ARHGEF28: variants seen among roughly 807,000 people sequenced by gnomAD.
ARHGEF28 encodes the protein 190 kDa guanine nucleotide exchange factor.
In ARHGEF28, 152 loss-of-function variants were observed where a neutral mutation model predicts 206.6. The ratio of observed to expected loss-of-function variants is 0.74; its 90% CI spans 0.64 to 0.84. The LOEUF (loss-of-function observed/expected upper bound fraction) is 0.84. Among genes scored for constraint, ARHGEF28 ranks in the 40% least tolerant of loss-of-function variants. The probability of loss-of-function intolerance (pLI) is 0.00; values close to 1 mark genes in which losing one functional copy is unlikely to be tolerated. For synonymous variants in ARHGEF28, 763 were observed against 776.4 expected (o/e 0.98, Z 0.29); for missense variants, 2,028 against 2,073.2 (o/e 0.98, Z 0.42).
chr5:73,734,843 A>G (rs1249144025), intron 2 of ARHGEF28, among the ~76,000 whole-genome samples: 4 of 152,124 alleles, frequency 2.6e-5, no homozygotes, highest in African/African-American at 9.7e-5. Context: ...AGGGAAGACT[A>G]TTTTGAAGTA....
intron 1 of ARHGEF28, among the ~76,000 whole-genome samples, chr5:73,641,450 T>C (rs1192263274): frequency 2.0e-5 from 3 of 151,740 alleles, no homozygotes; most frequent in Non-Finnish European, 4.4e-5. Context: ...TGGAGTCATG[T>C]TCATTTATAA....
rs530474338 is a variant in ARHGEF28, at chr5:73,745,014, T to C, written c.34-4823T>C. Among the ~76,000 whole-genome samples, 5 of 152,152 alleles carry C rather than the reference T, an allele frequency of 3.3e-5. No individual in the cohort carries two copies. In the East Asian group the frequency reaches 9.6e-4, roughly 29 times the overall value. ...GTCCTCAAACTGTCTGAAATCCATA[T>C]TCAGATTCTTCCCTTGGTTAAGAAA... is the stretch of plus-strand genomic sequence containing the variant. On this transcript the variant is annotated intron_variant, in intron 2 of 35. Coordinates refer to ENST00000513042, the MANE Select transcript of ARHGEF28 (RefSeq NM_001177693.2).
chr5:73,663,124 T>A (rs1745716284), intron 1 of ARHGEF28, among the ~76,000 whole-genome samples: 20 of 152,074 alleles, frequency 1.3e-4, no homozygotes, highest in Admixed American at 1.3e-3. Flanking sequence ...CCTGGCTAAT[T>A]TTTGTAATTT....
intron 9 of ARHGEF28, among the ~76,000 whole-genome samples, chr5:73,831,197 G>T (rs1321039760): frequency 1.3e-5 from 2 of 152,138 alleles, no homozygotes; most frequent in African/African-American, 4.8e-5. Flanking sequence ...TTACATGTCT[G>T]AACGCACTTA....
At chr5:73,695,715 C>T (rs1364813402) in intron 2 of ARHGEF28, among the ~76,000 whole-genome samples, 1 of 152,074 alleles carries the variant, frequency 6.6e-6, no homozygotes, top group Admixed American at 6.6e-5. Context: ...CCATGGCTGT[C>T]CTCTCTCTCT....
chr5:73,882,654 T>A, intron 23 of ARHGEF28, 60 bp downstream of exon 23: 1 of 1,364,302 alleles, frequency 7.3e-7, no homozygotes, highest in Non-Finnish European at 9.7e-7. Context: ...TAGTTTATGC[T>A]TGTTTCTTAA....
At chr5:73,860,951 A>G (rs975318140) in intron 16 of ARHGEF28, among the ~76,000 whole-genome samples, 1 of 151,936 alleles carries the variant, frequency 6.6e-6, no homozygotes, top group Non-Finnish European at 1.5e-5. Context: ...GCCTGTGATC[A>G]TCTCCTTCCT....
At chr5:73,938,336 TA>T (rs1407219534) in intron 35 of ARHGEF28, among the ~76,000 whole-genome samples, 1 of 152,182 alleles carries the variant, frequency 6.6e-6, no homozygotes, top group Non-Finnish European at 1.5e-5. Context: ...TTGAAGCCAT[TA>T]AGGGGATTTT....
chr5:73,736,281 G>A (rs1001183910), intron 2 of ARHGEF28, among the ~76,000 whole-genome samples: 8 of 152,124 alleles, frequency 5.3e-5, no homozygotes, highest in Non-Finnish European at 8.8e-5. Context: ...TCTTGTTTTC[G>A]GCAGAGGCTT....
chr5:73,784,994 T>G (rs1176975924), intron 7 of ARHGEF28, among the ~76,000 whole-genome samples: 1 of 152,182 alleles, frequency 6.6e-6, no homozygotes, highest in East Asian at 1.9e-4. Flanking sequence ...CACTGGACAA[T>G]GAAATAATTC....
intron 26 of ARHGEF28, among the ~76,000 whole-genome samples, chr5:73,890,284 C>T (rs1181468304): frequency 6.6e-6 from 1 of 152,222 alleles, no homozygotes; most frequent in African/African-American, 2.4e-5. Context: ...CACTAACCAA[C>T]TGGTTCAAAT....
chr5:73,674,262 G>A (rs144964148), intron 1 of ARHGEF28, among the ~76,000 whole-genome samples: 2 of 152,300 alleles, frequency 1.3e-5, no homozygotes, highest in Non-Finnish European at 2.9e-5. Flanking sequence ...TGAAGCTTTT[G>A]CTGTCTTTTA....
At chr5:73,877,755 G>A (rs1263149280) in intron 22 of ARHGEF28, among the ~76,000 whole-genome samples, 2 of 151,642 alleles carry the variant, frequency 1.3e-5, no homozygotes, top group Admixed American at 6.6e-5. Context: ...TTAATCCTGA[G>A]TTCTAGTTTG....
At chr5:73,753,272 T>A in intron 4 of ARHGEF28, 70 bp downstream of exon 4, 3 of 1,437,138 alleles carry the variant, frequency 2.1e-6, no homozygotes, top group Non-Finnish European at 2.8e-6. Context: ...TATGCTATAC[T>A]GTGTGTTCCC....
At chr5:73,819,392 C>T (rs1756431726) in intron 9 of ARHGEF28, among the ~76,000 whole-genome samples, 1 of 152,214 alleles carries the variant, frequency 6.6e-6, no homozygotes, top group Non-Finnish European at 1.5e-5. Flanking sequence ...CCCACCCAGA[C>T]TAGGCTGATC....
chr5:73,764,035 C>T (rs754667543), intron 4 of ARHGEF28, among the ~76,000 whole-genome samples: 6 of 152,140 alleles, frequency 3.9e-5, no homozygotes, highest in Non-Finnish European at 7.3e-5. Flanking sequence ...ACTGCTTAGT[C>T]CCCCCAATAC....
At chr5:73,632,190 C>A (rs1022303849) in intron 1 of ARHGEF28, among the ~76,000 whole-genome samples, 1 of 152,066 alleles carries the variant, frequency 6.6e-6, no homozygotes. Context: ...ATGTGGATTG[C>A]GTTGGAAAAC....
rs533530756 is a variant in ARHGEF28, at chr5:73,631,487, C to T, written c.-12+5165C>T. 3.9e-5 allele frequency among the ~76,000 whole-genome samples: 6 copies of T among 152,292 alleles called. No individual in the cohort carries two copies. In the South Asian group the frequency reaches 1.2e-3, roughly 32 times the overall value. On this transcript the variant is annotated intron_variant, in intron 1 of 35. Coordinates refer to ENST00000513042, the MANE Select transcript of ARHGEF28 (RefSeq NM_001177693.2). The stretch of plus-strand genomic sequence containing the variant: ...TGAGCCTCTAACCCAGGATTTCAAG[C>T]CCTGTTGTTCACTGGAACCACCTGG...
intron 10 of ARHGEF28, among the ~76,000 whole-genome samples, chr5:73,835,613 C>T (rs1016329463): frequency 6.6e-6 from 1 of 152,166 alleles, no homozygotes; most frequent in African/African-American, 2.4e-5. Flanking sequence ...GCATCTCTTC[C>T]ATCTGACTGT....
Sources: allele counts gnomAD v4.1 joint callset (sites outside exome capture counted in the v4.1 genomes callset), GRCh38; gene constraint gnomAD v4.1.1; transcripts MANE v1.5; gene names NCBI Gene and HGNC (gene_info 2026-07-23, HGNC 2026-07-21).